The following CAMK4 variants were observed in gnomAD, a reference collection of about 807,000 sequenced individuals.
CAMK4 encodes calcium/calmodulin dependent protein kinase IV, also known as calcium/calmodulin-dependent protein kinase type IV.
In CAMK4, 22 loss-of-function variants were observed where a neutral mutation model predicts 44.9. The observed-to-expected ratio is 0.49, with a 90% confidence interval of 0.35 to 0.70. CAMK4 has a LOEUF of 0.70. CAMK4 is among the 30% of genes least tolerant of loss of function. The probability of loss-of-function intolerance (pLI) is 0.01; values close to 1 mark genes in which losing one functional copy is unlikely to be tolerated. For missense variants in CAMK4, 498 were observed against 586.8 expected (o/e 0.85, Z 1.56); for synonymous variants, 218 against 215.4 (o/e 1.01, Z -0.11).
At chr5:111,360,698 A>G (rs1644494) in intron 2 of CAMK4, among the ~76,000 whole-genome samples, 132,196 of 152,076 alleles carry the variant, frequency 0.87, 57,780 homozygotes, top group East Asian at 1. Flanking sequence ...GGATGTGCAC[A>G]CCACTGTATG....
intron 1 of CAMK4, among the ~76,000 whole-genome samples, chr5:111,259,629 A>G (rs1194885754): frequency 6.6e-6 from 1 of 152,182 alleles, no homozygotes; most frequent in Non-Finnish European, 1.5e-5. Context: ...GCTCCAAGTC[A>G]TTGGTGTCCT....
At chr5:111,225,161 G>C (rs564275705) in intron 1 of CAMK4, among the ~76,000 whole-genome samples, 1 of 152,216 alleles carries the variant, frequency 6.6e-6, no homozygotes, top group Non-Finnish European at 1.5e-5. Flanking sequence ...GGAGTGAAGG[G>C]AGAAATGAAT....
chr5:111,315,340 T>C (rs1284012757), intron 1 of CAMK4, among the ~76,000 whole-genome samples: 1 of 152,090 alleles, frequency 6.6e-6, no homozygotes, highest in Non-Finnish European at 1.5e-5. Context: ...TAATGAATAT[T>C]GATTCATACA....
chr5:111,428,959 T>A (rs1284601395), intron 5 of CAMK4, among the ~76,000 whole-genome samples: 1 of 152,056 alleles, frequency 6.6e-6, no homozygotes, highest in East Asian at 1.9e-4. Context: ...AATGGAAACA[T>A]GACATATCAA....
intron 5 of CAMK4, among the ~76,000 whole-genome samples, chr5:111,429,754 G>C (rs1006604317): frequency 1.7e-5 from 2 of 117,866 alleles, no homozygotes; most frequent in Admixed American, 1.1e-4. Flanking sequence ...CTCCAGGCTG[G>C]GTGACAGAGT....
chr5:111,354,055 C>T (rs77209069), intron 2 of CAMK4, among the ~76,000 whole-genome samples: 2 of 152,182 alleles, frequency 1.3e-5, no homozygotes, highest in African/African-American at 4.8e-5. Flanking sequence ...GAGGAAACAG[C>T]TTCTGTCTGT....
In CAMK4 at chr5:111,486,500, A is replaced by AAGACACACAC. The variant is rs1215025263; in HGVS notation, c.*2035_*2036insGACACACACA. ...GTTGTACTTTTTACCATGAGACTGA[A>AAGACACACAC]ACACACACACACACACACACACACA... On this transcript the variant is annotated 3_prime_UTR_variant, in exon 11 of 11. Transcript: ENST00000282356. 3 of 103,578 alleles carry AAGACACACAC rather than the reference A, an allele frequency of 2.9e-5. No individual in the cohort carries two copies. The highest frequency in any genetic ancestry group is 6.5e-5 in the Non-Finnish European group (3 of 46,302). The allele number at this position is 103,578 out of a possible 1,614,324, so 6.4% of individuals were successfully genotyped here. A position where few individuals can be genotyped will look rare whatever the true frequency, so the allele number is the denominator to read the frequency against.
At chr5:111,386,022 A>G (rs1751589192) in intron 4 of CAMK4, among the ~76,000 whole-genome samples, 1 of 152,176 alleles carries the variant, frequency 6.6e-6, no homozygotes, top group Non-Finnish European at 1.5e-5. Context: ...ACATTGATCC[A>G]CAATTCCCTG....
At chr5:111,336,370 A>G (rs1282188657) in intron 1 of CAMK4, among the ~76,000 whole-genome samples, 1 of 151,190 alleles carries the variant, frequency 6.6e-6, no homozygotes, top group Non-Finnish European at 1.5e-5. Flanking sequence ...AATATGCTTT[A>G]TGTCAAAATA....
Position 111,449,143 on chromosome 5 carries a change from T to C in CAMK4, c.565T>C (p.Ser189Pro). Residue 189 changes from serine (S) to proline (P), a missense_variant, in exon 7 of 11, where the codon TCT (serine) becomes CCT (proline). This residue lies in a region of CAMK4 where 203 missense variants were observed against 298.2 expected (regional missense o/e 0.68). Transcript: ENST00000282356. ...APLKIADFGLSKIVEHQVLMK... is the reference protein window; with the variant it reads ...APLKIADFGLPKIVEHQVLMK... ...TGTGTTATTAGCTGATTTTGGACTC[T>C]CTAAAATTGTGGAACATCAAGTGCT... is the stretch of plus-strand genomic sequence containing the variant. The C allele has an allele frequency of 1.3e-6, 2 of 1,561,686 alleles. No individual in the cohort carries two copies. Among genetic ancestry groups the C allele is most frequent in the Non-Finnish European group, 1.8e-6 (2 of 1,134,270 alleles).
chr5:111,224,451 G>A lies in CAMK4; in HGVS notation c.-33G>A, dbSNP rs756016616. 2 of 1,555,110 alleles carry A rather than the reference G, an allele frequency of 1.3e-6. No individual in the cohort carries two copies. Among genetic ancestry groups the A allele is most frequent in the East Asian group, 2.6e-5 (1 of 38,984 alleles). ...TTCTCGCTCGGGCAGCGGCGGCGGC[G>A]GCGGCGGCGGCTTCCGGAGTCCCGC... On this transcript the variant is annotated 5_prime_UTR_variant, in exon 1 of 11. Transcript: ENST00000282356. This position sits in a 1 kb window ranked among gnomAD's most constrained non-coding sequence, Gnocchi z 5.7.
At chr5:111,395,861 C>G (rs1157782501) in intron 5 of CAMK4, among the ~76,000 whole-genome samples, 1 of 151,998 alleles carries the variant, frequency 6.6e-6, no homozygotes, top group Non-Finnish European at 1.5e-5. Context: ...AGACAGGGCC[C>G]AGGGAGGGGT....
intron 5 of CAMK4, among the ~76,000 whole-genome samples, chr5:111,425,228 T>C (rs1329532442): frequency 6.6e-6 from 1 of 151,806 alleles, no homozygotes; most frequent in Admixed American, 6.6e-5. Context: ...GTAGAAGATA[T>C]ATTTAAATCT....
At chr5:111,423,796 A>G (rs1194351892) in intron 5 of CAMK4, among the ~76,000 whole-genome samples, 4 of 152,216 alleles carry the variant, frequency 2.6e-5, no homozygotes, top group Non-Finnish European at 5.9e-5. Flanking sequence ...AGACCTAACA[A>G]TAACAATCTC....
intron 6 of CAMK4, among the ~76,000 whole-genome samples, chr5:111,447,707 C>T (rs1754078214): frequency 6.6e-6 from 1 of 152,170 alleles, no homozygotes; most frequent in Non-Finnish European, 1.5e-5. Flanking sequence ...CCTTATCGTG[C>T]TAATCTGCGA....
intron 1 of CAMK4, among the ~76,000 whole-genome samples, chr5:111,333,519 A>C (rs1749265687): frequency 6.6e-6 from 1 of 151,782 alleles, no homozygotes; most frequent in East Asian, 2.0e-4. Flanking sequence ...TGATAATTTG[A>C]GGCTGTTTTT....
chr5:111,279,067 AT>A (rs1489483654), intron 1 of CAMK4, among the ~76,000 whole-genome samples: 1 of 152,162 alleles, frequency 6.6e-6, no homozygotes, highest in African/African-American at 2.4e-5. Context: ...AACCCTTGGA[AT>A]TTTGCAACAC....
chr5:111,292,166 T>C (rs1182930045), intron 1 of CAMK4, among the ~76,000 whole-genome samples: 2 of 152,220 alleles, frequency 1.3e-5, no homozygotes, highest in African/African-American at 4.8e-5. Context: ...AGTCTGACAA[T>C]AGCACCAGGA....
In CAMK4 at chr5:111,443,644, C is replaced by T. The variant is rs546113732; in HGVS notation, c.460-3042C>T. On this transcript the variant is annotated intron_variant, in intron 5 of 10. Transcript: ENST00000282356. ...GCTGTTGTTTAACTTGCACTTAGAACGCAACCACCTTTTCGTTTCAAGAAA... is the reference window on the plus strand; with the variant it reads ...GCTGTTGTTTAACTTGCACTTAGAATGCAACCACCTTTTCGTTTCAAGAAA... 2.6e-5 allele frequency among the ~76,000 whole-genome samples: 4 copies of T among 151,874 alleles called. No homozygotes were observed. The East Asian group carries it at 5.8e-4, about 22-fold the overall frequency.
Sources: gnomAD v4.1 joint callset for allele counts (sites outside exome capture counted in the v4.1 genomes callset) on GRCh38, gnomAD v4.1.1 for gene constraint, gnomAD v4.1.1 regional missense constraint, Gnocchi (gnomAD v3.1) non-coding constraint, MANE v1.5 for transcripts, NCBI Gene and HGNC (gene_info 2026-07-23, HGNC 2026-07-21) for gene names.